The following PRKN variants were observed in gnomAD, a reference collection of about 807,000 sequenced individuals.
PRKN encodes the protein parkin RBR E3 ubiquitin protein ligase.
In PRKN, 56 loss-of-function variants were observed where a neutral mutation model predicts 59.5. That is an observed-to-expected ratio of 0.94 (90% confidence interval 0.76 to 1.18). The LOEUF (loss-of-function observed/expected upper bound fraction) is 1.18, where lower values mean the gene tolerates loss of function less well. Ranked by LOEUF, PRKN falls within the 50% of genes most tolerant of loss-of-function variation. The probability of loss-of-function intolerance (pLI) is 0.00; values close to 1 mark genes in which losing one functional copy is unlikely to be tolerated. For synonymous variants in PRKN, 250 were observed against 222.1 expected (o/e 1.13, Z -1.12); for missense variants, 657 against 596.4 (o/e 1.10, Z -1.06).
chr6:162,325,178 G>T (rs2128122999), intron 2 of PRKN, among the ~76,000 whole-genome samples: 1 of 145,010 alleles, frequency 6.9e-6, no homozygotes, highest in Middle Eastern at 3.7e-3. Context: ...AAGACTTCAG[G>T]CTCTCAATTT....
chr6:162,126,702 T>C (rs2128307032), intron 4 of PRKN, among the ~76,000 whole-genome samples: 1 of 152,340 alleles, frequency 6.6e-6, no homozygotes, highest in Non-Finnish European at 1.5e-5. Flanking sequence ...TGGTCCACCT[T>C]GAGTTAAAAT....
chr6:162,409,696 C>A (rs1788257130), intron 2 of PRKN, among the ~76,000 whole-genome samples: 1 of 152,086 alleles, frequency 6.6e-6, no homozygotes, highest in South Asian at 2.1e-4. Context: ...CTCTTTCAAG[C>A]CCAAGCACAA....
chr6:162,572,913 C>T (rs1780403953), intron 1 of PRKN, among the ~76,000 whole-genome samples: 1 of 152,132 alleles, frequency 6.6e-6, no homozygotes. Flanking sequence ...TAATTCTCCT[C>T]TGCATTTTTA....
chr6:161,571,934 C>T lies in PRKN; in HGVS notation c.872-2518G>A, dbSNP rs999629778. 1.7e-3 allele frequency among the ~76,000 whole-genome samples: 265 copies of T among 152,260 alleles called. 1 individual carries two copies. The highest frequency in any genetic ancestry group is 5.9e-3 in the African/African-American group (247 of 41,558). On this transcript the variant is annotated intron_variant, in intron 7 of 11. Transcript: ENST00000366898. ...AAGATCAGATTTCCTGGTTCTCAGG[C>T]CTTCTGACTGCAAGACATACACGAC...
intron 2 of PRKN, among the ~76,000 whole-genome samples, chr6:162,335,307 G>C (rs969637212): frequency 2.6e-5 from 4 of 152,066 alleles, no homozygotes; most frequent in Non-Finnish European, 4.4e-5. Context: ...CTCCCAAAGT[G>C]CTGGGACTAC....
chr6:161,540,807 TA>T (rs1187634384), intron 9 of PRKN, among the ~76,000 whole-genome samples: 3 of 152,188 alleles, frequency 2.0e-5, no homozygotes, highest in African/African-American at 7.2e-5. Flanking sequence ...TTAAGTCCTA[TA>T]GGAAAGAAAT....
At chr6:162,267,754 C>T (rs867854986) in intron 2 of PRKN, among the ~76,000 whole-genome samples, 2 of 152,076 alleles carry the variant, frequency 1.3e-5, no homozygotes, top group Admixed American at 6.5e-5. Context: ...GGCTTTCTGT[C>T]TATAGGATCC....
intron 7 of PRKN, among the ~76,000 whole-genome samples, chr6:161,653,799 G>A (rs1383786591): frequency 1.3e-5 from 2 of 152,128 alleles, no homozygotes; most frequent in Non-Finnish European, 2.9e-5. Flanking sequence ...TCCAAAGATT[G>A]GAAACATTAC....
At position 161,448,363 on chromosome 6, in the gene PRKN, G is replaced by A. The variant is rs992813426; in HGVS notation, c.1084-61486C>T. Among the ~76,000 whole-genome samples the A allele has an allele frequency of 5.9e-5, 9 of 152,074 alleles. No individual in the cohort carries two copies. The highest frequency in any genetic ancestry group is 1.0e-4 in the Non-Finnish European group (7 of 68,018). The stretch of plus-strand genomic sequence containing the variant: ...TGGACATATACACATGCATATACAC[G>A]TATGTGTACATACACATATGTAATG... On this transcript the variant is annotated intron_variant, in intron 9 of 11. Transcript: ENST00000366898. This position sits in a 1 kb window ranked among gnomAD's most constrained non-coding sequence, Gnocchi z 5.1.
At chr6:162,686,404 TGGA>T (rs992268670) in intron 1 of PRKN, among the ~76,000 whole-genome samples, 21 of 152,252 alleles carry the variant, frequency 1.4e-4, no homozygotes, top group African/African-American at 4.1e-4. Flanking sequence ...CGGCTGATTT[TGGA>T]GGAGAAGTTT....
At chr6:162,352,897 G>T (rs1330101713) in intron 2 of PRKN, among the ~76,000 whole-genome samples, 1 of 152,136 alleles carries the variant, frequency 6.6e-6, no homozygotes, top group East Asian at 1.9e-4. Context: ...TAAACTTTAA[G>T]TAGATAAGAT....
At chr6:161,603,228 C>T (rs1782166889) in intron 7 of PRKN, among the ~76,000 whole-genome samples, 1 of 152,136 alleles carries the variant, frequency 6.6e-6, no homozygotes, top group South Asian at 2.1e-4. Context: ...CTCTAAAACC[C>T]CGGGTTCCTA....
intron 9 of PRKN, among the ~76,000 whole-genome samples, chr6:161,412,497 T>G (rs1261281646): frequency 2.0e-5 from 3 of 148,958 alleles, no homozygotes; most frequent in African/African-American, 7.5e-5. Context: ...CCTTCCTCAC[T>G]CATTCCTCCA....
intron 1 of PRKN, among the ~76,000 whole-genome samples, chr6:162,475,122 T>G (rs1476411897): frequency 6.6e-6 from 1 of 152,190 alleles, no homozygotes; most frequent in East Asian, 1.9e-4. Flanking sequence ...GATTATGTGA[T>G]GAATAGCTTT....
intron 9 of PRKN, among the ~76,000 whole-genome samples, chr6:161,450,620 G>A (rs902401261): frequency 1.3e-5 from 2 of 151,766 alleles, no homozygotes; most frequent in African/African-American, 2.4e-5. Flanking sequence ...GCAGTGGTGT[G>A]ATCTCAGCTC....
At chr6:161,425,296 C>G (rs778390510) in intron 9 of PRKN, among the ~76,000 whole-genome samples, 2 of 152,170 alleles carry the variant, frequency 1.3e-5, no homozygotes, top group African/African-American at 4.8e-5. Context: ...AGAGTACAAA[C>G]TGCATTGAGG....
chr6:161,887,128 C>T (rs1795183945), intron 6 of PRKN, among the ~76,000 whole-genome samples: 1 of 152,160 alleles, frequency 6.6e-6, no homozygotes, highest in Non-Finnish European at 1.5e-5. Context: ...TTAAGTTGTA[C>T]TGTAAGAGAT....
chr6:161,519,982 G>A (rs1485477592), intron 9 of PRKN, among the ~76,000 whole-genome samples: 1 of 152,188 alleles, frequency 6.6e-6, no homozygotes, highest in African/African-American at 2.4e-5. Context: ...TTTCTAAAGG[G>A]AGGAAGTGTA....
chr6:162,719,107 T>C (rs1264004467), intron 1 of PRKN, among the ~76,000 whole-genome samples: 2 of 152,214 alleles, frequency 1.3e-5, no homozygotes, highest in Non-Finnish European at 2.9e-5. Flanking sequence ...CTACGAAATA[T>C]CACTCTCTGT....
Sources: gnomAD v4.1 joint callset for allele counts (sites outside exome capture counted in the v4.1 genomes callset) on GRCh38, gnomAD v4.1.1 for gene constraint, Gnocchi (gnomAD v3.1) non-coding constraint, MANE v1.5 for transcripts, NCBI Gene and HGNC (gene_info 2026-07-23, HGNC 2026-07-21) for gene names.